PCDH7: variants seen among roughly 807,000 people sequenced by gnomAD.
PCDH7 encodes the protein protocadherin-7.
In PCDH7, 17 loss-of-function variants were observed where a neutral mutation model predicts 58.9. The ratio of observed to expected loss-of-function variants is 0.29; its 90% CI spans 0.20 to 0.43. The LOEUF (loss-of-function observed/expected upper bound fraction) is 0.43, where lower values mean the gene tolerates loss of function less well. PCDH7 is among the 20% of genes least tolerant of loss of function. The pLI is 1.00. For missense variants in PCDH7, 1,274 were observed against 1,441.0 expected, an observed-to-expected ratio of 0.88 and a Z score of 1.88; for synonymous variants, 664 against 616.4, an observed-to-expected ratio of 1.08 and a Z score of -1.14.
At position 30,787,855 on chromosome 4, in the gene PCDH7, GGTAGA is replaced by G. The variant is rs543854014; in HGVS notation, c.70+63263_70+63267del. Among the ~76,000 whole-genome samples, 594 of 152,118 alleles carry G rather than the reference GGTAGA, an allele frequency of 3.9e-3. 5 individuals are homozygous for G. Among genetic ancestry groups the G allele is most frequent in the African/African-American group, 0.013 (524 of 41,516 alleles). On this transcript the variant is annotated intron_variant, in intron 1 of 3. Transcript: ENST00000509759. ...TGGTTTGTTACCTAGAATGTAAAGA[GGTAGA>G]GTAAACTGTCTTAAGCCATTCTGTT... is the stretch of plus-strand genomic sequence containing the variant.
At chr4:30,858,236 CT>C (rs1236373911) in intron 1 of PCDH7, among the ~76,000 whole-genome samples, 7 of 152,106 alleles carry the variant, frequency 4.6e-5, no homozygotes, top group East Asian at 1.9e-4. Flanking sequence ...GAAAAAGTCT[CT>C]TTTTTTTCTT....
In PCDH7 at chr4:30,934,319, G is replaced by C. The variant is rs375267595; in HGVS notation, c.287+13950G>C. 8.5e-5 allele frequency among the ~76,000 whole-genome samples: 13 copies of C among 152,278 alleles called. No individual in the cohort carries two copies. In the South Asian group the frequency reaches 2.5e-3, roughly 29 times the overall value. Reference sequence around the variant, plus strand: ...CTCATGGGTTTAGAGATCCCTGTGTGTGTGTTTTTTAAGTAACCACATTTT... The same window carrying C: ...CTCATGGGTTTAGAGATCCCTGTGTCTGTGTTTTTTAAGTAACCACATTTT... On this transcript the variant is annotated intron_variant, in intron 2 of 3. Transcript: ENST00000509759.
chr4:31,005,025 A>G (rs1182499614), intron 3 of PCDH7, among the ~76,000 whole-genome samples: 2 of 152,234 alleles, frequency 1.3e-5, no homozygotes, highest in Non-Finnish European at 2.9e-5. Context: ...GTGAAATAGT[A>G]CTTCTGTAAA....
chr4:31,121,981 CA>C (rs1237189029), intron 3 of PCDH7, among the ~76,000 whole-genome samples: 1 of 151,994 alleles, frequency 6.6e-6, no homozygotes, highest in African/African-American at 2.4e-5. Context: ...ATCTGAATCA[CA>C]ATGTAGCCAG....
intron 1 of PCDH7, among the ~76,000 whole-genome samples, chr4:30,813,986 A>G (rs1190690735): frequency 4.6e-5 from 7 of 152,186 alleles, no homozygotes; most frequent in African/African-American, 1.7e-4. Context: ...TTGAAATAAT[A>G]TGCCTAGTTT....
chr4:30,832,078 A>G (rs186029603), intron 1 of PCDH7, among the ~76,000 whole-genome samples: 158 of 152,300 alleles, frequency 1.0e-3, no homozygotes, highest in African/African-American at 3.5e-3. Flanking sequence ...GATTTGTTCA[A>G]TTTCTTTTGA....
intron 1 of PCDH7, among the ~76,000 whole-genome samples, chr4:30,838,544 T>G (rs923794598): frequency 6.6e-6 from 1 of 152,138 alleles, no homozygotes; most frequent in Non-Finnish European, 1.5e-5. Flanking sequence ...TTAAGCCACG[T>G]GGAAGTGATC....
At chr4:30,787,423 G>T (rs1423784818) in intron 1 of PCDH7, among the ~76,000 whole-genome samples, 1 of 152,058 alleles carries the variant, frequency 6.6e-6, no homozygotes, top group African/African-American at 2.4e-5. Context: ...TAGTGAACGT[G>T]AGAGGAAGTA....
intron 3 of PCDH7, among the ~76,000 whole-genome samples, chr4:31,082,894 G>A (rs1560631234): frequency 1.3e-5 from 2 of 152,146 alleles, no homozygotes; most frequent in Non-Finnish European, 2.9e-5. Flanking sequence ...GGATCACGAG[G>A]TCAGGAGATC....
rs1228395207 is a variant in PCDH7, at chr4:30,722,856, C to T, written c.1434C>T (p.Gly478=). ...TCAAGCCAGCCAGCGACACCGAGGG[C>T]GACCAGAACAAGAAAAAGTACTTCT... is the stretch of plus-strand genomic sequence containing the variant. The change falls in exon 1 of 2, where the codon GGC becomes GGT. Residue 478 remains glycine (G), a synonymous_variant. Coordinates refer to ENST00000361762, the Ensembl canonical transcript of PCDH7. This position sits in a 1 kb window ranked among gnomAD's most constrained non-coding sequence, Gnocchi z 7.6. 1 of 1,613,798 alleles carries T rather than the reference C, an allele frequency of 6.2e-7. No homozygotes were observed. Among genetic ancestry groups the T allele is most frequent in the Admixed American group, 1.7e-5 (1 of 60,018 alleles).
chr4:30,917,143 T>G (rs1400793611), intron 1 of PCDH7, among the ~76,000 whole-genome samples: 1 of 152,160 alleles, frequency 6.6e-6, no homozygotes, highest in Non-Finnish European at 1.5e-5. Context: ...ACCTTTGCGG[T>G]AAAACTGAAC....
At chr4:31,028,868 A>C (rs1453104869) in intron 3 of PCDH7, among the ~76,000 whole-genome samples, 1 of 152,162 alleles carries the variant, frequency 6.6e-6, no homozygotes, top group African/African-American at 2.4e-5. Flanking sequence ...AAAATAGAAA[A>C]ACAAATTATT....
intron 1 of PCDH7, among the ~76,000 whole-genome samples, chr4:30,825,671 G>T (rs555204354): frequency 1.9e-4 from 29 of 152,236 alleles, no homozygotes; most frequent in Admixed American, 5.9e-4. Flanking sequence ...GACAAGGAAT[G>T]GGTCAAAATT....
At chr4:30,828,430 T>C (rs774867308) in intron 1 of PCDH7, among the ~76,000 whole-genome samples, 20 of 152,042 alleles carry the variant, frequency 1.3e-4, no homozygotes, top group Non-Finnish European at 7.4e-5. Context: ...ACATATGAAA[T>C]ATACCCAGCT....
rs574447614 is a variant in PCDH7 at position 30,970,419 on chromosome 4, C to A, written c.*7+20204C>A. ...ACGCCATTCTCCTGCCTCAGCCTCC[C>A]CAGTAGCTGGGACCACAGGCACCCA... On this transcript the variant is annotated intron_variant, in intron 3 of 3. Transcript: ENST00000509759. Among the ~76,000 whole-genome samples the A allele has an allele frequency of 2.0e-5, 3 of 152,118 alleles. No homozygotes were observed. The East Asian group carries it at 5.8e-4, about 30-fold the overall frequency.
intron 1 of PCDH7, among the ~76,000 whole-genome samples, chr4:30,809,398 C>T (rs1357571836): frequency 6.6e-6 from 1 of 151,946 alleles, no homozygotes; most frequent in Non-Finnish European, 1.5e-5. Flanking sequence ...AAACTCTGAC[C>T]TTGAGAAAAC....
Position 30,920,431 on chromosome 4 carries a change from G to A in PCDH7, c.287+62G>A, listed in dbSNP as rs188063826. The A allele has an allele frequency of 4.5e-5, 55 of 1,209,760 alleles. No homozygotes were observed. In the East Asian group the frequency reaches 2.6e-3, roughly 57 times the overall value. 74.9% of individuals were successfully genotyped at this position (1,209,760 alleles called of 1,614,324 possible). A position where few individuals can be genotyped will look rare whatever the true frequency, so the allele number is the denominator to read the frequency against. Reference sequence around the variant, plus strand: ...CTAGTGAGCCGTAATAAGTAGACTCGCGAAGGTCAGTCTAAAACCAAAATA... The same window carrying A: ...CTAGTGAGCCGTAATAAGTAGACTCACGAAGGTCAGTCTAAAACCAAAATA... On this transcript the variant is annotated intron_variant, in intron 2 of 3. Transcript: ENST00000509759.
chr4:30,732,737 A>G (rs1011978962), exon 2 of PCDH7: 1 of 151,978 alleles, frequency 6.6e-6, no homozygotes, highest in African/African-American at 2.4e-5. Flanking sequence ...GAGAACCAGC[A>G]CTCTAGACTG....
chr4:30,829,100 C>T (rs553226448), intron 1 of PCDH7, among the ~76,000 whole-genome samples: 65 of 152,042 alleles, frequency 4.3e-4, no homozygotes, highest in African/African-American at 1.5e-3. Flanking sequence ...TTCATTGCTT[C>T]ATCTTTTCAA....
Sources: allele counts gnomAD v4.1 joint callset (sites outside exome capture counted in the v4.1 genomes callset), GRCh38; gene constraint gnomAD v4.1.1; non-coding constraint Gnocchi (gnomAD v3.1); transcripts MANE v1.5; gene names NCBI Gene and HGNC (gene_info 2026-07-23, HGNC 2026-07-21).